The following PCLO variants were observed in gnomAD, a reference collection of about 807,000 sequenced individuals.
PCLO encodes the protein protein piccolo.
PCLO carries 82 observed loss-of-function variants against 427.5 expected under a neutral mutation model. The observed-to-expected ratio is 0.19, with a 90% CI of 0.16 to 0.23. The LOEUF is 0.23. Among genes scored for constraint, PCLO ranks in the 10% least tolerant of loss-of-function variants. PCLO has a pLI of 1.00. For missense variants in PCLO, 6,239 were observed against 6,115.9 expected, an observed-to-expected ratio of 1.02 and a Z score of -0.67; for synonymous variants, 2,357 against 2,155.4, an observed-to-expected ratio of 1.09 and a Z score of -2.59.
intron 9 of PCLO, among the ~76,000 whole-genome samples, chr7:82,888,313 C>T (rs553473753): frequency 2.6e-5 from 4 of 152,124 alleles, no homozygotes; most frequent in Admixed American, 6.6e-5. Context: ...ATTGTTTTAA[C>T]TCTATTTTAA....
At chr7:82,897,382 T>A (rs1005734727) in intron 9 of PCLO, among the ~76,000 whole-genome samples, 7 of 151,600 alleles carry the variant, frequency 4.6e-5, no homozygotes, top group East Asian at 1.9e-4. Context: ...GATATATTTT[T>A]AAAAAATTAT....
intron 20 of PCLO, chr7:82,820,930 T>C (rs1373575926): frequency 9.8e-6 from 12 of 1,229,642 alleles, no homozygotes; most frequent in Non-Finnish European, 1.2e-5. Flanking sequence ...GTAGTCAATA[T>C]ATTACGGGAC....
chr7:82,908,938 A>G lies in PCLO; in HGVS notation c.13376T>C (p.Leu4459Pro). 1.2e-6 allele frequency: 2 copies of G among 1,613,042 alleles called. No homozygotes were observed. The highest frequency in any genetic ancestry group is 2.2e-5 in the East Asian group (1 of 44,806). The change falls in exon 8 of 25, where the codon CTG becomes CCG. Residue 4459 changes from leucine (L) to proline (P), a missense_variant. Around this residue, in one of 5 missense-constraint regions of PCLO, gnomAD observed 877 missense variants for 925.5 expected, o/e 0.95. Transcript: ENST00000333891. ...CAATCTTTCCGGCAGTTTTCGGTCC[A>G]GACCATGTCCATTTTCCAAACGAGA... Reference protein sequence around the residue: ...RESRLENGHGLDRKLPERLVH... With the variant: ...RESRLENGHGPDRKLPERLVH...
chr7:83,068,660 C>G (rs1341375389), intron 3 of PCLO, among the ~76,000 whole-genome samples: 1 of 152,032 alleles, frequency 6.6e-6, no homozygotes, highest in Non-Finnish European at 1.5e-5. Context: ...GAAAACAGAG[C>G]CCTTGTACAC....
At chr7:82,924,003 C>G (rs895563129) in intron 6 of PCLO, among the ~76,000 whole-genome samples, 1 of 152,018 alleles carries the variant, frequency 6.6e-6, no homozygotes, top group Non-Finnish European at 1.5e-5. Context: ...GAAGGAAAAA[C>G]AGACCTTGCT....
chr7:83,050,208 G>GAAAA (rs556193471), intron 3 of PCLO, among the ~76,000 whole-genome samples: 7 of 5,458 alleles, frequency 1.3e-3, no homozygotes, highest in Admixed American at 4.9e-3. Context: ...CTGAAAAACT[G>GAAAA]AAAAAAAAAA....
chr7:83,156,906 T>A (rs1443972358), intron 1 of PCLO, among the ~76,000 whole-genome samples: 1 of 152,218 alleles, frequency 6.6e-6, no homozygotes, highest in African/African-American at 2.4e-5. Context: ...AGGAGTCTGC[T>A]GAGACTTCTT....
intron 20 of PCLO, 168 bp downstream of exon 20, chr7:82,822,323 TAAGA>T (rs1467055426): frequency 9.7e-6 from 14 of 1,444,534 alleles, no homozygotes; most frequent in South Asian, 1.5e-5. Context: ...AAAATCTAAA[TAAGA>T]AAGAGCATAT....
chr7:83,093,888 T>TA (rs1247854581), intron 3 of PCLO, among the ~76,000 whole-genome samples: 4 of 151,354 alleles, frequency 2.6e-5, no homozygotes, highest in Non-Finnish European at 5.9e-5. Context: ...ATTCAAATGT[T>TA]ATTGCAAGGA....
chr7:83,160,124 T>C (rs1388514226), intron 1 of PCLO, among the ~76,000 whole-genome samples: 1 of 152,166 alleles, frequency 6.6e-6, no homozygotes, highest in African/African-American at 2.4e-5. Flanking sequence ...TTTGTGTAAA[T>C]TACAACTCAA....
At chr7:83,122,286 C>CTTTTTTT (rs71074624) in intron 3 of PCLO, among the ~76,000 whole-genome samples, 8 of 128,288 alleles carry the variant, frequency 6.2e-5, no homozygotes, top group Non-Finnish European at 1.3e-4. Context: ...CTTTTCTTTT[C>CTTTTTTT]TTTTTTTTTT....
chr7:82,988,738 T>C (rs1318807003), intron 3 of PCLO, among the ~76,000 whole-genome samples: 2 of 152,144 alleles, frequency 1.3e-5, no homozygotes, highest in East Asian at 3.9e-4. Flanking sequence ...ATCACAAATC[T>C]ATTTGTAACA....
chr7:82,987,916 T>C (rs1186122466), intron 3 of PCLO, among the ~76,000 whole-genome samples: 2 of 152,112 alleles, frequency 1.3e-5, no homozygotes, highest in Non-Finnish European at 2.9e-5. Flanking sequence ...ATCAGTCATA[T>C]CTTACATGCT....
At chr7:82,945,120 T>TC (rs1368751463) in intron 6 of PCLO, among the ~76,000 whole-genome samples, 1 of 150,490 alleles carries the variant, frequency 6.6e-6, no homozygotes, top group Admixed American at 6.6e-5. Flanking sequence ...TCTCTTGGGA[T>TC]TTTTTTTTTC....
chr7:82,865,648 G>A (rs555496323), intron 10 of PCLO, among the ~76,000 whole-genome samples: 3 of 152,178 alleles, frequency 2.0e-5, no homozygotes, highest in East Asian at 1.9e-4. Flanking sequence ...AGGGATTTAA[G>A]TTTTTAAAAA....
intron 6 of PCLO, among the ~76,000 whole-genome samples, chr7:82,917,503 A>C (rs2116278271): frequency 6.6e-6 from 1 of 152,206 alleles, no homozygotes; most frequent in East Asian, 1.9e-4. Flanking sequence ...AAAATCAGAT[A>C]AAAGTATAAA....
chr7:83,067,550 G>T (rs1789699039), intron 3 of PCLO, among the ~76,000 whole-genome samples: 1 of 152,034 alleles, frequency 6.6e-6, no homozygotes, highest in African/African-American at 2.4e-5. Flanking sequence ...TGAATCCCCT[G>T]GCTGAAGCCA....
intron 4 of PCLO, among the ~76,000 whole-genome samples, chr7:82,963,105 A>G (rs1795688749): frequency 6.6e-6 from 1 of 152,022 alleles, no homozygotes; most frequent in South Asian, 2.1e-4. Context: ...TATATATTTA[A>G]AGCAAAATAA....
intron 3 of PCLO, among the ~76,000 whole-genome samples, chr7:83,093,492 A>ATATATTTTTTTTTTTT: frequency 8.4e-5 from 5 of 59,316 alleles, no homozygotes; most frequent in African/African-American, 1.6e-4. Flanking sequence ...ATATATATAT[A>ATATATTTTTTTTTTTT]TTTTTTTTTT....
Sources: gnomAD v4.1 joint callset for allele counts (sites outside exome capture counted in the v4.1 genomes callset) on GRCh38, gnomAD v4.1.1 for gene constraint, gnomAD v4.1.1 regional missense constraint, MANE v1.5 for transcripts, NCBI Gene and HGNC (gene_info 2026-07-23, HGNC 2026-07-21) for gene names.